IQCH: variants seen among roughly 807,000 people sequenced by gnomAD.
The protein encoded by IQCH is IQ motif containing H.
IQCH carries 98 observed loss-of-function variants against 117.0 expected under a neutral mutation model. The ratio of observed to expected loss-of-function variants is 0.84; its 90% CI spans 0.71 to 0.99. The LOEUF is 0.99. Among genes scored for constraint, IQCH ranks in the 50% least tolerant of loss-of-function variants. The pLI is 0.00. For synonymous variants in IQCH, 412 were observed against 448.2 expected (o/e 0.92, Z 1.02); for missense variants, 1,102 against 1,243.8 (o/e 0.89, Z 1.72).
In IQCH at chr15:67,426,839, A is replaced by G. The variant is rs1025241580; in HGVS notation, c.2505+5262A>G. Among the ~76,000 whole-genome samples the G allele has an allele frequency of 1.1e-4, 16 of 151,926 alleles. 1 individual carries two copies. Among genetic ancestry groups the G allele is most frequent in the African/African-American group, 3.9e-4 (16 of 41,364 alleles). On this transcript the variant is annotated intron_variant, in intron 16 of 20. Coordinates refer to ENST00000335894, the MANE Select transcript of IQCH (RefSeq NM_001031715.3). This position sits in a 1 kb window ranked among gnomAD's most constrained non-coding sequence, Gnocchi z 5.1. The stretch of plus-strand genomic sequence containing the variant: ...AAAAATTTTTAAAATAAACAAAATT[A>G]GCCAAGCATAATGGCACTCATCTGT...
At position 67,422,634 on chromosome 15, in the gene IQCH, T is replaced by C. The variant is rs971061133; in HGVS notation, c.2505+1057T>C. ...ATGTTTTTAAGAATTTTGTAGATCA[T>C]AACATTCTATCTATTATTATTTTAC... On this transcript the variant is annotated intron_variant, in intron 16 of 20. Coordinates refer to ENST00000335894, the MANE Select transcript of IQCH (RefSeq NM_001031715.3). This position sits in a 1 kb window ranked among gnomAD's most constrained non-coding sequence, Gnocchi z 4.7. Among the ~76,000 whole-genome samples, 6 of 152,250 alleles carry C rather than the reference T, an allele frequency of 3.9e-5. No individual in the cohort carries two copies. The highest frequency in any genetic ancestry group is 1.4e-4 in the African/African-American group (6 of 41,470).
At chr15:67,272,552 A>C (rs1197696801) in intron 3 of IQCH, among the ~76,000 whole-genome samples, 1 of 152,080 alleles carries the variant, frequency 6.6e-6, no homozygotes, top group African/African-American at 2.4e-5. Context: ...TTGTGTTGCA[A>C]TCTATCTCTC....
intron 12 of IQCH, among the ~76,000 whole-genome samples, chr15:67,392,252 G>A (rs1236771075): frequency 6.6e-6 from 1 of 152,132 alleles, no homozygotes; most frequent in Non-Finnish European, 1.5e-5. Context: ...ATCCTCTTCT[G>A]GGTGCCCTGA....
At position 67,387,910 on chromosome 15, in the gene IQCH, G is replaced by A. The variant is rs917431423; in HGVS notation, c.1457-921G>A. On this transcript the variant is annotated intron_variant, in intron 11 of 20. Coordinates refer to ENST00000335894, the MANE Select transcript of IQCH (RefSeq NM_001031715.3). This position sits in a 1 kb window ranked among gnomAD's most constrained non-coding sequence, Gnocchi z 4.8. ...CTTTGCCCTGCTTGCCTAAGAAAAC[G>A]TTTACAGTGCTCCCTCCTCTGAACT... Among the ~76,000 whole-genome samples, 3 of 152,108 alleles carry A rather than the reference G, an allele frequency of 2.0e-5. No homozygotes were observed. Among genetic ancestry groups the A allele is most frequent in the Non-Finnish European group, 2.9e-5 (2 of 68,034 alleles).
At chr15:67,439,295 C>T (rs759791914) in intron 16 of IQCH, among the ~76,000 whole-genome samples, 5 of 152,166 alleles carry the variant, frequency 3.3e-5, no homozygotes, top group Admixed American at 1.3e-4. Context: ...AAATAACCTG[C>T]TCCTGAATGA....
rs907398551 is a variant in IQCH, at chr15:67,501,797, G to A, written c.*1051G>A. On this transcript the variant is annotated 3_prime_UTR_variant, in exon 21 of 21. Coordinates refer to ENST00000335894, the MANE Select transcript of IQCH (RefSeq NM_001031715.3). This position sits in a 1 kb window ranked among gnomAD's most constrained non-coding sequence, Gnocchi z 5.2. ...TTTCTGTAATAAAATTAACATTTGT[G>A]TGTGTCAGCTTTTGTTTTGCTATAG... 2.0e-5 allele frequency: 3 copies of A among 152,196 alleles called. No homozygotes were observed. Among genetic ancestry groups the A allele is most frequent in the Admixed American group, 6.5e-5 (1 of 15,280 alleles). The allele number at this position is 152,196 out of a possible 1,614,324, so 9.4% of individuals were successfully genotyped here. A position where few individuals can be genotyped will look rare whatever the true frequency, so the allele number is the denominator to read the frequency against.
rs1418406719 is a variant in IQCH at position 67,501,725 on chromosome 15, T to C, written c.*979T>C. ...GGGAAAGGAATAGGATTTTTACCTGTGGAATTTCAATAATTTGTTAACTGT... is the reference window on the plus strand; with the variant it reads ...GGGAAAGGAATAGGATTTTTACCTGCGGAATTTCAATAATTTGTTAACTGT... On this transcript the variant is annotated 3_prime_UTR_variant, in exon 21 of 21. Transcript: ENST00000335894. The surrounding 1 kb of genome is among the most constrained non-coding windows in gnomAD (Gnocchi z 5.2). 6.6e-6 allele frequency: 1 copy of C among 152,218 alleles called. No homozygotes were observed. The highest frequency in any genetic ancestry group is 1.5e-5 in the Non-Finnish European group (1 of 68,036). 9.4% of individuals were successfully genotyped at this position (152,218 alleles called of 1,614,324 possible).
chr15:67,261,854 G>T (rs755261847), intron 2 of IQCH, among the ~76,000 whole-genome samples: 13 of 152,212 alleles, frequency 8.5e-5, no homozygotes, highest in Non-Finnish European at 1.5e-4. Context: ...GGGAGGCCAA[G>T]GCAGGCAGGT....
At position 67,387,159 on chromosome 15, in the gene IQCH, A is replaced by G. The variant is rs970006477; in HGVS notation, c.1457-1672A>G. 6.6e-6 allele frequency among the ~76,000 whole-genome samples: 1 copy of G among 152,178 alleles called. No individual in the cohort carries two copies. Among genetic ancestry groups the G allele is most frequent in the African/African-American group, 2.4e-5 (1 of 41,442 alleles). On this transcript the variant is annotated intron_variant, in intron 11 of 20. Transcript: ENST00000335894. The surrounding 1 kb of genome is among the most constrained non-coding windows in gnomAD (Gnocchi z 4.8). ...ACTAATTTGATGATTCAGCAATTGG[A>G]TGCAAGTTATTTACTTACTGCCTCC...
chr15:67,389,485 T>A (rs1210960619), intron 12 of IQCH, among the ~76,000 whole-genome samples: 1 of 152,184 alleles, frequency 6.6e-6, no homozygotes, highest in Admixed American at 6.5e-5. Flanking sequence ...CAGGTTTTTT[T>A]TTTTTAATTG....
chr15:67,452,116 G>C (rs2082542232), intron 16 of IQCH, among the ~76,000 whole-genome samples: 1 of 152,140 alleles, frequency 6.6e-6, no homozygotes, highest in Non-Finnish European at 1.5e-5. Flanking sequence ...GCCTATGTGT[G>C]TGCCTGCACG....
At chr15:67,333,812 T>G (rs535496492) in intron 4 of IQCH, among the ~76,000 whole-genome samples, 2 of 152,290 alleles carry the variant, frequency 1.3e-5, no homozygotes, top group East Asian at 3.9e-4. Context: ...ATCCCAACAC[T>G]TTGGGAGGCC....
rs900643845 is a variant in IQCH, at chr15:67,359,207, T to G, written c.715-640T>G. 2.6e-5 allele frequency among the ~76,000 whole-genome samples: 4 copies of G among 152,218 alleles called. No homozygotes were observed. Among genetic ancestry groups the G allele is most frequent in the Admixed American group, 6.5e-5 (1 of 15,284 alleles). ...AGATCTACAGGTAATACAAATATTA[T>G]GACTAGGTTTTAGCCAGTAAATGGT... On this transcript the variant is annotated intron_variant, in intron 7 of 20. Transcript: ENST00000335894. The surrounding 1 kb of genome is among the most constrained non-coding windows in gnomAD (Gnocchi z 4.5).
intron 7 of IQCH, among the ~76,000 whole-genome samples, chr15:67,358,705 A>G (rs1458853586): frequency 1.3e-5 from 2 of 152,210 alleles, no homozygotes; most frequent in Non-Finnish European, 2.9e-5. Flanking sequence ...GAAAGTGGTC[A>G]TGTTTACAGC....
intron 4 of IQCH, among the ~76,000 whole-genome samples, chr15:67,334,961 G>T (rs1968827347): frequency 6.6e-6 from 1 of 152,102 alleles, no homozygotes; most frequent in Admixed American, 6.6e-5. Context: ...CATGGAAGAG[G>T]ACAGCAGAGT....
At chr15:67,306,095 A>G (rs1421185119) in intron 4 of IQCH, among the ~76,000 whole-genome samples, 1 of 152,100 alleles carries the variant, frequency 6.6e-6, no homozygotes, top group Non-Finnish European at 1.5e-5. Flanking sequence ...TGGCCTTTTG[A>G]TCAAATAGTT....
At position 67,456,530 on chromosome 15, in the gene IQCH, T is replaced by C. The variant is rs1422550271; in HGVS notation, c.2506-8597T>C. ...GACCTCCCTAAGCCCTGAGTATTTT[T>C]AGTTTTAGAGATTCCATCCTACATC... On this transcript the variant is annotated intron_variant, in intron 16 of 20. Coordinates refer to ENST00000335894, the MANE Select transcript of IQCH (RefSeq NM_001031715.3). The surrounding 1 kb of genome is among the most constrained non-coding windows in gnomAD (Gnocchi z 5.1). 6.6e-6 allele frequency among the ~76,000 whole-genome samples: 1 copy of C among 152,196 alleles called. No individual in the cohort carries two copies. The highest frequency in any genetic ancestry group is 6.5e-5 in the Admixed American group (1 of 15,286).
At position 67,340,454 on chromosome 15, in the gene IQCH, A is replaced by C. The variant is rs1009101624; in HGVS notation, c.508+3359A>C. On this transcript the variant is annotated intron_variant, in intron 5 of 20. Transcript: ENST00000335894. ...AAAAAAAAAAAAAAAAAAAAAAAAAAAAAAAAAAAACAGTAACTTGTCATA... is the reference window on the plus strand; with the variant it reads ...AAAAAAAAAAAAAAAAAAAAAAAAACAAAAAAAAAACAGTAACTTGTCATA... 1.6e-3 allele frequency among the ~76,000 whole-genome samples: 237 copies of C among 146,578 alleles called. 1 individual carries two copies. Among genetic ancestry groups the C allele is most frequent in the East Asian group, 3.1e-3 (15 of 4,808 alleles).
chr15:67,441,839 T>C (rs2082276896), intron 16 of IQCH, among the ~76,000 whole-genome samples: 1 of 152,160 alleles, frequency 6.6e-6, no homozygotes, highest in African/African-American at 2.4e-5. Flanking sequence ...AAGGAGTTCA[T>C]GATCAAGAAC....
Sources: gnomAD v4.1 joint callset for allele counts (sites outside exome capture counted in the v4.1 genomes callset) on GRCh38, gnomAD v4.1.1 for gene constraint, Gnocchi (gnomAD v3.1) non-coding constraint, MANE v1.5 for transcripts, NCBI Gene and HGNC (gene_info 2026-07-23, HGNC 2026-07-21) for gene names.